Variants in KIAA1328 observed in about 807,000 individuals in gnomAD.
The protein encoded by KIAA1328 is KIAA1328.
A neutral mutation model predicts 68.1 loss-of-function variants in KIAA1328; 52 were observed. The ratio of observed to expected loss-of-function variants is 0.76; its 90% confidence interval spans 0.61 to 0.96. The LOEUF is 0.96. Ranked by LOEUF, KIAA1328 falls within the 40% of genes least tolerant of loss-of-function variation. KIAA1328 has a pLI of 0.00. For synonymous variants in KIAA1328, 232 were observed against 239.4 expected, an observed-to-expected ratio of 0.97 and a Z score of 0.28; for missense variants, 641 against 677.6, an observed-to-expected ratio of 0.95 and a Z score of 0.60.
chr18:36,959,756 A>G (rs775254027), intron 6 of KIAA1328, among the ~76,000 whole-genome samples: 5 of 152,176 alleles, frequency 3.3e-5, no homozygotes, highest in Non-Finnish European at 7.3e-5. Context: ...TTTGTTACTC[A>G]TTGTCCTTAT....
chr18:36,931,229 G>C (rs2050297938), intron 5 of KIAA1328, among the ~76,000 whole-genome samples: 1 of 152,058 alleles, frequency 6.6e-6, no homozygotes, highest in South Asian at 2.1e-4. Context: ...CAGCCCCTGG[G>C]CTGCAGACCA....
intron 7 of KIAA1328, among the ~76,000 whole-genome samples, chr18:37,126,735 A>G (rs2058400246): frequency 6.6e-6 from 1 of 152,182 alleles, no homozygotes; most frequent in Non-Finnish European, 1.5e-5. Context: ...CCAGCATTGT[A>G]TACAAATATT....
At chr18:37,155,680 C>T (rs140110450) in intron 7 of KIAA1328, among the ~76,000 whole-genome samples, 3 of 152,220 alleles carry the variant, frequency 2.0e-5, no homozygotes, top group African/African-American at 7.2e-5. Context: ...CTCCTGAGAG[C>T]CTTTCAGTGA....
At chr18:37,184,047 T>C (rs1180034823) in intron 9 of KIAA1328, among the ~76,000 whole-genome samples, 4 of 152,238 alleles carry the variant, frequency 2.6e-5, no homozygotes, top group Non-Finnish European at 5.9e-5. Context: ...GCCTGGCTCA[T>C]AATAGACATT....
intron 5 of KIAA1328, among the ~76,000 whole-genome samples, chr18:36,950,203 G>C (rs1419050175): frequency 6.6e-6 from 1 of 152,138 alleles, no homozygotes; most frequent in Non-Finnish European, 1.5e-5. Flanking sequence ...TGAGGAATTT[G>C]ACGTGGTCAG....
At chr18:36,870,572 AT>A (rs1449074431) in intron 4 of KIAA1328, among the ~76,000 whole-genome samples, 1 of 152,008 alleles carries the variant, frequency 6.6e-6, no homozygotes, top group African/African-American at 2.4e-5. Context: ...TTTGGGTGGG[AT>A]TTATTTCTTT....
chr18:37,218,064 G>A (rs934810541), intron 9 of KIAA1328, among the ~76,000 whole-genome samples: 7 of 152,120 alleles, frequency 4.6e-5, no homozygotes, highest in South Asian at 4.1e-4. Context: ...GAAGGGGAGG[G>A]GGACTTAAAT....
chr18:37,130,419 A>G (rs1006790373), intron 7 of KIAA1328, among the ~76,000 whole-genome samples: 2 of 152,178 alleles, frequency 1.3e-5, no homozygotes, highest in Non-Finnish European at 1.5e-5. Context: ...AGAGATCAAG[A>G]CCATGCTGGC....
At chr18:36,920,572 T>TTAA (rs2049880218) in intron 5 of KIAA1328, among the ~76,000 whole-genome samples, 1 of 152,220 alleles carries the variant, frequency 6.6e-6, no homozygotes, top group South Asian at 2.1e-4. Context: ...GGGTCTTGCA[T>TTAA]TAAAGCTTTA....
intron 6 of KIAA1328, among the ~76,000 whole-genome samples, chr18:36,974,111 T>C (rs1026802792): frequency 1.3e-5 from 2 of 152,188 alleles, no homozygotes; most frequent in African/African-American, 4.8e-5. Flanking sequence ...TTTGCTCTTA[T>C]ATCTGACTGT....
At chr18:37,093,051 C>T (rs72892528) in intron 7 of KIAA1328, among the ~76,000 whole-genome samples, 20,819 of 152,176 alleles carry the variant, frequency 0.14, 1,763 homozygotes, top group Admixed American at 0.19. Flanking sequence ...CTGACACTTA[C>T]AGCTAAAAAT....
intron 5 of KIAA1328, among the ~76,000 whole-genome samples, chr18:36,954,901 T>C (rs2051342337): frequency 6.6e-6 from 1 of 151,896 alleles, no homozygotes; most frequent in South Asian, 2.1e-4. Flanking sequence ...TCACCATGCC[T>C]GGGCAGGCTG....
chr18:36,841,772 C>T (rs2046867123), intron 3 of KIAA1328, among the ~76,000 whole-genome samples: 1 of 152,230 alleles, frequency 6.6e-6, no homozygotes, highest in South Asian at 2.1e-4. Flanking sequence ...ATTCGGCTTG[C>T]AGCCATGGTT....
chr18:37,109,450 A>G (rs1183850318), intron 7 of KIAA1328, among the ~76,000 whole-genome samples: 1 of 152,176 alleles, frequency 6.6e-6, no homozygotes, highest in Non-Finnish European at 1.5e-5. Context: ...GTCTCTAGAT[A>G]ATTTTTCAAT....
chr18:36,972,770 A>G (rs2052281819), intron 6 of KIAA1328, among the ~76,000 whole-genome samples: 1 of 152,180 alleles, frequency 6.6e-6, no homozygotes. Context: ...TGTCCCAGTA[A>G]GCAAACTTCT....
intron 9 of KIAA1328, among the ~76,000 whole-genome samples, chr18:37,191,648 G>A (rs1156848885): frequency 6.6e-6 from 1 of 152,070 alleles, no homozygotes; most frequent in Non-Finnish European, 1.5e-5. Flanking sequence ...CCCATATATG[G>A]TTGATCTTAT....
intron 4 of KIAA1328, among the ~76,000 whole-genome samples, chr18:36,872,936 A>G (rs897956590): frequency 3.3e-5 from 5 of 152,158 alleles, no homozygotes; most frequent in Non-Finnish European, 5.9e-5. Flanking sequence ...GTGAGGCCCA[A>G]CTTTAATAAC....
intron 7 of KIAA1328, among the ~76,000 whole-genome samples, chr18:37,102,668 GA>G (rs1234249250): frequency 2.0e-5 from 3 of 152,112 alleles, no homozygotes; most frequent in Non-Finnish European, 4.4e-5. Context: ...AAACCTGGAA[GA>G]AAACAAGGAT....
At chr18:37,148,075 A>G (rs2058944362) in intron 7 of KIAA1328, among the ~76,000 whole-genome samples, 1 of 151,980 alleles carries the variant, frequency 6.6e-6, no homozygotes, top group Non-Finnish European at 1.5e-5. Context: ...AACCCATCGC[A>G]TAGACATTAA....
Sources: gnomAD v4.1 joint callset for allele counts (sites outside exome capture counted in the v4.1 genomes callset) on GRCh38, gnomAD v4.1.1 for gene constraint, MANE v1.5 for transcripts, NCBI Gene and HGNC (gene_info 2026-07-23, HGNC 2026-07-21) for gene names.